The following CSMD2 variants were observed in gnomAD, a reference collection of about 807,000 sequenced individuals.
The protein encoded by CSMD2 is CUB and Sushi multiple domains 2.
A neutral mutation model predicts 398.5 loss-of-function variants in CSMD2; 130 were observed. The observed-to-expected ratio is 0.33, with a 90% CI of 0.28 to 0.38. CSMD2 has a LOEUF of 0.38. Ranked by LOEUF, CSMD2 falls within the 10% of genes least tolerant of loss-of-function variation. CSMD2 has a pLI of 1.00. For missense variants in CSMD2, 3,829 were observed against 4,764.9 expected, an observed-to-expected ratio of 0.80 and a Z score of 5.78; for synonymous variants, 1,828 against 1,908.5, an observed-to-expected ratio of 0.96 and a Z score of 1.10.
chr1:33,843,401 A>C (rs902304052), intron 6 of CSMD2, among the ~76,000 whole-genome samples: 2 of 152,166 alleles, frequency 1.3e-5, no homozygotes, highest in South Asian at 2.1e-4. Flanking sequence ...TTTTATTTTA[A>C]GTTTACTTCT....
At chr1:34,165,260 G>A (rs975146687), upstream of CSMD2, 8 of 1,185,010 alleles carry the variant, frequency 6.8e-6, no homozygotes, top group South Asian at 2.5e-4. Flanking sequence ...CCGGGGAGAG[G>A]CGCGCTGCGC....
chr1:33,540,080 T>C (rs1448232956), intron 60 of CSMD2, among the ~76,000 whole-genome samples: 1 of 152,090 alleles, frequency 6.6e-6, no homozygotes, highest in African/African-American at 2.4e-5. Context: ...CTGGAATAGA[T>C]TTGGGGCTCC....
rs777881521 is a variant in CSMD2 at position 34,089,019 on chromosome 1, G to A, written c.362C>T (p.Ser121Leu). The A allele has an allele frequency of 4.3e-5, 69 of 1,614,088 alleles. No individual in the cohort carries two copies. Among genetic ancestry groups the A allele is most frequent in the African/African-American group, 5.3e-5 (4 of 75,040 alleles). Residue 121 changes from serine to leucine, a missense_variant, in exon 2 of 71, where the codon TCG becomes TTG. This residue lies in a region of CSMD2 where 184 missense variants were observed against 217.7 expected (regional missense o/e 0.85). Transcript: ENST00000373381. Reference protein sequence around the residue: ...FALEEDFDVLSVFDGPPQPEN... With the variant: ...FALEEDFDVLLVFDGPPQPEN... ...TGGCTGGGGTGGACCATCAAACACCGACAGGACATCAAAGTCCTCTTCCAG... is the reference window on the plus strand; with the variant it reads ...TGGCTGGGGTGGACCATCAAACACCAACAGGACATCAAAGTCCTCTTCCAG...
intron 1 of CSMD2, among the ~76,000 whole-genome samples, chr1:34,112,228 T>C (rs938332714): frequency 1.3e-5 from 2 of 152,182 alleles, no homozygotes; most frequent in African/African-American, 4.8e-5. Context: ...AGGCTGGGCA[T>C]GTGGAGACAC....
intron 25 of CSMD2, among the ~76,000 whole-genome samples, chr1:33,666,627 C>T (rs369909941): frequency 2.6e-5 from 4 of 151,664 alleles, no homozygotes; most frequent in East Asian, 1.9e-4. Context: ...CTTGGATTTC[C>T]TAGGTAGAAT....
At chr1:33,742,240 CG>C (rs1647092289) in intron 14 of CSMD2, among the ~76,000 whole-genome samples, 2 of 152,298 alleles carry the variant, frequency 1.3e-5, no homozygotes, top group South Asian at 4.1e-4. Flanking sequence ...CTCTTGGAAT[CG>C]GGGGACCCAA....
At chr1:33,557,398 T>C (rs116308810) in intron 55 of CSMD2, among the ~76,000 whole-genome samples, 5,627 of 152,136 alleles carry the variant, frequency 0.037, 390 homozygotes, top group African/African-American at 0.13. Context: ...AAAGGTAAAG[T>C]TGGGAGATGA....
At chr1:33,695,643 G>A (rs1250638886) in intron 24 of CSMD2, among the ~76,000 whole-genome samples, 2 of 152,216 alleles carry the variant, frequency 1.3e-5, no homozygotes, top group African/African-American at 2.4e-5. Flanking sequence ...TCTCTAGGCT[G>A]GCAGAGTTGC....
chr1:34,151,324 G>A (rs937530514), intron 1 of CSMD2, among the ~76,000 whole-genome samples: 3 of 152,198 alleles, frequency 2.0e-5, no homozygotes, highest in African/African-American at 7.2e-5. Flanking sequence ...AATGCTCCTA[G>A]GCAGACGGGA....
intron 1 of CSMD2, among the ~76,000 whole-genome samples, chr1:34,160,976 ATTAG>A (rs145455181): frequency 0.016 from 2,496 of 152,292 alleles, 70 homozygotes; most frequent in African/African-American, 0.057. Context: ...CTTTTTAAAA[ATTAG>A]TTAGTAAGGG....
intron 22 of CSMD2, among the ~76,000 whole-genome samples, chr1:33,706,585 T>C (rs945411302): frequency 4.6e-5 from 7 of 152,210 alleles, no homozygotes; most frequent in African/African-American, 1.2e-4. Flanking sequence ...TCCGAAGACA[T>C]GTCTTCTTCT....
chr1:33,903,707 G>T (rs74069785), intron 5 of CSMD2, among the ~76,000 whole-genome samples: 1,767 of 152,246 alleles, frequency 0.012, 39 homozygotes, highest in African/African-American at 0.042. Flanking sequence ...AGAAGAAAAA[G>T]AAATACGTAA....
At chr1:34,129,659 T>A (rs987068864) in intron 1 of CSMD2, among the ~76,000 whole-genome samples, 39 of 151,994 alleles carry the variant, frequency 2.6e-4, no homozygotes, top group Non-Finnish European at 1.3e-4. Context: ...CTCAAAAAAA[T>A]AAATAAATAA....
chr1:33,930,948 TCCACCC>T (rs1644293784), intron 4 of CSMD2, among the ~76,000 whole-genome samples: 1 of 152,184 alleles, frequency 6.6e-6, no homozygotes, highest in Non-Finnish European at 1.5e-5. Context: ...CCAGACCAAG[TCCACCC>T]TCCAGCTGGG....
intron 35 of CSMD2, among the ~76,000 whole-genome samples, chr1:33,623,765 C>T (rs769222723): frequency 6.6e-5 from 10 of 152,234 alleles, no homozygotes; most frequent in Non-Finnish European, 1.5e-4. Context: ...TGACTGTCTC[C>T]TCATCTCTGG....
intron 5 of CSMD2, among the ~76,000 whole-genome samples, chr1:33,911,014 G>T (rs1373647902): frequency 2.0e-5 from 3 of 152,196 alleles, no homozygotes; most frequent in African/African-American, 7.2e-5. Flanking sequence ...CCTAACACAT[G>T]ATATTGCAAA....
At chr1:33,782,183 C>A (rs1476055018) in intron 12 of CSMD2, among the ~76,000 whole-genome samples, 1 of 151,526 alleles carries the variant, frequency 6.6e-6, no homozygotes, top group Non-Finnish European at 1.5e-5. Context: ...TCACAGCTAC[C>A]CGCCCCCCAA....
At chr1:34,043,675 A>G (rs887847179) in intron 2 of CSMD2, among the ~76,000 whole-genome samples, 3 of 152,248 alleles carry the variant, frequency 2.0e-5, no homozygotes, top group Admixed American at 2.0e-4. Flanking sequence ...AGGCCAGCTT[A>G]CAAGTATAAT....
chr1:34,119,458 G>A (rs1019936867), intron 1 of CSMD2, among the ~76,000 whole-genome samples: 3 of 152,130 alleles, frequency 2.0e-5, no homozygotes, highest in African/African-American at 4.8e-5. Context: ...TGCAGCAAAG[G>A]AAATAGTCAA....
Sources: gnomAD v4.1 joint callset for allele counts (sites outside exome capture counted in the v4.1 genomes callset) on GRCh38, gnomAD v4.1.1 for gene constraint, gnomAD v4.1.1 regional missense constraint, MANE v1.5 for transcripts, NCBI Gene and HGNC (gene_info 2026-07-23, HGNC 2026-07-21) for gene names.